EYS: variants seen among roughly 807,000 people sequenced by gnomAD.
The protein encoded by EYS is protein eyes shut homolog.
EYS carries 250 observed loss-of-function variants against 282.1 expected under a neutral mutation model. The observed-to-expected ratio is 0.89, with a 90% CI of 0.80 to 0.98. The LOEUF is 0.98. EYS is among the 50% of genes least tolerant of loss of function. The pLI, the probability that EYS is intolerant of heterozygous loss-of-function variation, is 0.00. For synonymous variants in EYS, 1,355 were observed against 1,282.9 expected (o/e 1.06, Z -1.20); for missense variants, 4,016 against 3,709.0 (o/e 1.08, Z -2.15).
intron 2 of EYS, among the ~76,000 whole-genome samples, chr6:65,612,347 T>A (rs573669183): frequency 6.6e-6 from 1 of 151,788 alleles, no homozygotes; most frequent in East Asian, 1.9e-4. Context: ...TTGATACTGA[T>A]TCGGATTGTT....
chr6:65,521,580 C>T (rs990433657), intron 2 of EYS, among the ~76,000 whole-genome samples: 1 of 151,990 alleles, frequency 6.6e-6, no homozygotes, highest in African/African-American at 2.4e-5. Context: ...GCCAAACATA[C>T]CTGACAGTTC....
intron 31 of EYS, among the ~76,000 whole-genome samples, chr6:64,149,178 G>T (rs1157812928): frequency 3.3e-5 from 5 of 152,144 alleles, no homozygotes; most frequent in Admixed American, 1.3e-4. Context: ...CTGAAGCTTA[G>T]CTAAGTATAA....
intron 12 of EYS, among the ~76,000 whole-genome samples, chr6:65,201,900 G>A (rs74508373): frequency 6.6e-6 from 1 of 151,936 alleles, no homozygotes; most frequent in Non-Finnish European, 1.5e-5. Flanking sequence ...ATCATTTGAG[G>A]CCAGGAGTTT....
At chr6:65,225,641 G>A (rs1483962976) in intron 12 of EYS, among the ~76,000 whole-genome samples, 2 of 151,480 alleles carry the variant, frequency 1.3e-5, no homozygotes, top group East Asian at 1.9e-4. Context: ...TTGAACCTGG[G>A]AGGTGGAGGT....
At chr6:64,657,448 A>C (rs1009712067) in intron 22 of EYS, among the ~76,000 whole-genome samples, 1 of 152,126 alleles carries the variant, frequency 6.6e-6, no homozygotes, top group Admixed American at 6.6e-5. Context: ...TCTTCCTAGC[A>C]TTGATGGTCT....
intron 12 of EYS, among the ~76,000 whole-genome samples, chr6:65,123,579 A>T (rs909825407): frequency 6.6e-6 from 1 of 152,172 alleles, no homozygotes; most frequent in African/African-American, 2.4e-5. Flanking sequence ...AATAATTGCA[A>T]TTGAGGAAGG....
chr6:65,558,638 C>T (rs186339170), intron 2 of EYS, among the ~76,000 whole-genome samples: 1 of 152,284 alleles, frequency 6.6e-6, no homozygotes, highest in Non-Finnish European at 1.5e-5. Flanking sequence ...ACCACTGCCA[C>T]CAACAAGATG....
chr6:65,249,470 A>C (rs2150281808), intron 12 of EYS, among the ~76,000 whole-genome samples: 1 of 152,132 alleles, frequency 6.6e-6, no homozygotes, highest in Admixed American at 6.6e-5. Flanking sequence ...AACAACCCTA[A>C]AGAGTTAGAA....
chr6:65,425,216 T>A (rs1767614926), intron 5 of EYS, among the ~76,000 whole-genome samples: 1 of 152,114 alleles, frequency 6.6e-6, no homozygotes, highest in Admixed American at 6.6e-5. Context: ...AAGGGTACAT[T>A]AAAATACTTG....
intron 31 of EYS, among the ~76,000 whole-genome samples, chr6:64,199,654 G>C (rs1445299863): frequency 6.6e-6 from 1 of 152,028 alleles, no homozygotes; most frequent in Non-Finnish European, 1.5e-5. Flanking sequence ...TACAGAATGG[G>C]AGAAAATTTT....
chr6:64,450,415 T>G (rs1040187612), intron 26 of EYS, among the ~76,000 whole-genome samples: 1 of 152,158 alleles, frequency 6.6e-6, no homozygotes, highest in Non-Finnish European at 1.5e-5. Flanking sequence ...AATGGGAGAC[T>G]TTAACACCCC....
In EYS at chr6:64,107,205, GTA is replaced by G. The variant is rs532176143; in HGVS notation, c.6425-25205_6425-25204del. Among the ~76,000 whole-genome samples the G allele has an allele frequency of 4.0e-3, 576 of 144,102 alleles. 2 individuals carry two copies. Among genetic ancestry groups the G allele is most frequent in the African/African-American group, 0.015 (548 of 37,532 alleles). The allele number at this position is 144,102 out of a possible 152,430, so 94.5% of individuals were successfully genotyped here. A position where few individuals can be genotyped will look rare whatever the true frequency, so the allele number is the denominator to read the frequency against. Reference sequence around the variant, plus strand: ...TGTTTGTACAGTCCCTTCAAACAGTGTATGAGTTGGATTCTCTAGAGGAACAG... The same window carrying G: ...TGTTTGTACAGTCCCTTCAAACAGTGTGAGTTGGATTCTCTAGAGGAACAG... On this transcript the variant is annotated intron_variant, in intron 31 of 42. Transcript: ENST00000503581.
intron 30 of EYS, among the ~76,000 whole-genome samples, chr6:64,252,075 G>A (rs567845055): frequency 1.7e-3 from 259 of 152,240 alleles, no homozygotes; most frequent in African/African-American, 6.0e-3. Context: ...TGATGGAATT[G>A]TCATTTGAAT....
chr6:64,449,548 T>C (rs1775244031), intron 26 of EYS, among the ~76,000 whole-genome samples: 1 of 151,988 alleles, frequency 6.6e-6, no homozygotes, highest in Non-Finnish European at 1.5e-5. Context: ...CCAAGACACA[T>C]AATTGTCAGA....
intron 31 of EYS, among the ~76,000 whole-genome samples, chr6:64,125,153 T>TCTCTCTCTCTCTC (rs1562213531): frequency 5.4e-5 from 8 of 149,022 alleles, no homozygotes; most frequent in African/African-American, 1.8e-4. Context: ...ACACACTCTC[T>TCTCTCTCTCTCTC]GTCTCTCTCT....
chr6:64,743,613 A>G (rs1168359713), intron 22 of EYS, among the ~76,000 whole-genome samples: 2 of 152,122 alleles, frequency 1.3e-5, no homozygotes, highest in Non-Finnish European at 2.9e-5. Context: ...TTTTCATCTC[A>G]TGAGATCAAA....
chr6:64,301,089 G>A (rs555064102), intron 30 of EYS, among the ~76,000 whole-genome samples: 17 of 152,252 alleles, frequency 1.1e-4, no homozygotes, highest in South Asian at 4.1e-4. Context: ...TAATGATTGC[G>A]CCTGAAAAAT....
chr6:64,387,528 A>G (rs557307639), intron 29 of EYS, among the ~76,000 whole-genome samples: 1 of 152,244 alleles, frequency 6.6e-6, no homozygotes, highest in Admixed American at 6.5e-5. Context: ...TTTATGTTTC[A>G]TCCATTCTTT....
intron 29 of EYS, among the ~76,000 whole-genome samples, chr6:64,326,844 C>T (rs1220372692): frequency 6.6e-6 from 1 of 152,106 alleles, no homozygotes; most frequent in Non-Finnish European, 1.5e-5. Context: ...ATCTGAACCA[C>T]AGTAAGGTTT....
Sources: gnomAD v4.1 joint callset for allele counts (sites outside exome capture counted in the v4.1 genomes callset) on GRCh38, gnomAD v4.1.1 for gene constraint, MANE v1.5 for transcripts, NCBI Gene and HGNC (gene_info 2026-07-23, HGNC 2026-07-21) for gene names.